ITIH6: variants seen among roughly 807,000 people sequenced by gnomAD.
ITIH6 encodes the protein inter-alpha-trypsin inhibitor heavy chain H6.
A neutral mutation model predicts 58.2 loss-of-function variants in ITIH6; 60 were observed. The observed-to-expected ratio is 1.03, with a 90% CI of 0.84 to 1.28. The LOEUF (loss-of-function observed/expected upper bound fraction) is 1.28. Ranked by LOEUF, ITIH6 falls within the 50% of genes most tolerant of loss-of-function variation. The pLI is 0.00. For missense variants in ITIH6, 1,290 were observed against 1,021.1 expected, an observed-to-expected ratio of 1.26 and a Z score of -3.59; for synonymous variants, 493 against 417.4, an observed-to-expected ratio of 1.18 and a Z score of -2.21.
Position 54,758,830 on chromosome X carries a change from C to G in ITIH6, c.1244G>C (p.Arg415Pro). 8.3e-7 allele frequency: 1 copy of G among 1,211,339 alleles called. No homozygotes were observed. The highest frequency in any genetic ancestry group is 3.0e-5 in the East Asian group (1 of 33,802). ...TTPSVILSNV[R>P]QALGHRVSLF... Reference sequence around the variant, plus strand: ...GGATACCCTGTGGCCTAGCGCCTGACGGACATTGGAGAGGATCACACTGGG... The same window carrying G: ...GGATACCCTGTGGCCTAGCGCCTGAGGGACATTGGAGAGGATCACACTGGG... Residue 415 changes from arginine to proline, a missense_variant, in exon 8 of 13, where the codon CGT (arginine) becomes CCT (proline). Coordinates refer to ENST00000218436, the MANE Select transcript of ITIH6 (RefSeq NM_198510.3).
At chrX:54,789,432 G>A (rs1929304328) in intron 4 of ITIH6, among the ~76,000 whole-genome samples, 1 of 111,963 alleles carries the variant, frequency 8.9e-6, no homozygotes, top group Non-Finnish European at 1.9e-5. Context: ...TCTCTGAGGC[G>A]CCTGCTCACA....
At chrX:54,786,500 T>C (rs1929245589) in intron 5 of ITIH6, among the ~76,000 whole-genome samples, 1 of 111,740 alleles carries the variant, frequency 8.9e-6, no homozygotes, top group Admixed American at 9.5e-5. Context: ...CTTTGGGTTT[T>C]TCATCTCAAA....
At chrX:54,795,285 C>T (rs1473782140) in intron 2 of ITIH6, among the ~76,000 whole-genome samples, 1 of 112,328 alleles carries the variant, frequency 8.9e-6, no homozygotes, top group Non-Finnish European at 1.9e-5. Context: ...AATATTCATA[C>T]TCTATTTTAG....
chrX:54,783,336 T>C (rs1422289415), intron 5 of ITIH6, among the ~76,000 whole-genome samples: 1 of 111,631 alleles, frequency 9.0e-6, no homozygotes, highest in Non-Finnish European at 1.9e-5. Flanking sequence ...AAGGCCTACC[T>C]AGAGCAATCA....
At chrX:54,766,071 G>C (rs1489256949) in intron 6 of ITIH6, among the ~76,000 whole-genome samples, 1 of 110,652 alleles carries the variant, frequency 9.0e-6, no homozygotes, top group Non-Finnish European at 1.9e-5. Flanking sequence ...ATATCCTTGA[G>C]CAGTGGTTTG....
Position 54,757,673 on chromosome X carries a change from C to T in ITIH6, c.2401G>A (p.Ala801Thr). 1.7e-6 allele frequency: 2 copies of T among 1,210,872 alleles called. No individual in the cohort carries two copies. The highest frequency in any genetic ancestry group is 2.2e-6 in the Non-Finnish European group (2 of 895,125). ...HPQLGALTSQ[A>T]PKGLPQSRPG... ...CTTGACTGTGGCAGGCCTTTAGGTG[C>T]CTGTGATGTGAGTGCCCCAAGTTGG... The change falls in exon 8 of 13, where the codon GCA (alanine) becomes ACA (threonine). Residue 801 changes from alanine (A) to threonine (T), a missense_variant. By Grantham distance (58) the Ala-to-Thr change is moderately conservative (BLOSUM62 0). Coordinates refer to ENST00000218436, the MANE Select transcript of ITIH6 (RefSeq NM_198510.3).
intron 6 of ITIH6, among the ~76,000 whole-genome samples, chrX:54,770,282 A>G (rs1250594373): frequency 8.9e-6 from 1 of 111,926 alleles, no homozygotes; most frequent in Non-Finnish European, 1.9e-5. Flanking sequence ...ACTGTCTGGC[A>G]CTCCCTAGTG....
At chrX:54,778,530 C>T (rs1929094393) in intron 5 of ITIH6, among the ~76,000 whole-genome samples, 3 of 111,062 alleles carry the variant, frequency 2.7e-5, no homozygotes, top group Admixed American at 1.9e-4. Context: ...ATTGTTCAAC[C>T]AGAAAAAACA....
intron 9 of ITIH6, 64 bp downstream of exon 9, chrX:54,754,953 A>C: frequency 2.3e-6 from 2 of 853,341 alleles, no homozygotes; most frequent in Non-Finnish European, 3.5e-6. Flanking sequence ...CAATGTCAAT[A>C]AGAATTCTAA....
chrX:54,754,030 A>AGTATGTCC, intron 9 of ITIH6, 65 bp from the exon 10 acceptor site: 2 of 1,096,960 alleles, frequency 1.8e-6, no homozygotes, highest in Non-Finnish European at 2.5e-6. Context: ...GAATTCTGGG[A>AGTATGTCC]CATACTCCCA....
rs1489396395 is a variant in ITIH6 at position 54,760,054 on chromosome X, C to T, written c.904-127G>A. ...GTTTTAAGACTCTCTGACTGCAGGA[C>T]TCTGTGAATCTAGGATTCTCAGGTG... On this transcript the variant is annotated intron_variant, in intron 6 of 12. Transcript: ENST00000218436. The T allele has an allele frequency of 5.7e-6, 3 of 521,783 alleles. No homozygotes were observed. The Admixed American group carries it at 1.1e-4, about 19-fold the overall frequency. The allele number at this position is 521,783 out of a possible 1,213,427, so 43.0% of individuals were successfully genotyped here. A position where few individuals can be genotyped will look rare whatever the true frequency, so the allele number is the denominator to read the frequency against.
intron 5 of ITIH6, among the ~76,000 whole-genome samples, chrX:54,774,398 C>T (rs1006409467): frequency 2.7e-5 from 3 of 112,901 alleles, no homozygotes; most frequent in African/African-American, 6.4e-5. Flanking sequence ...TTCAGACCTT[C>T]ATCCCGGGGC....
chrX:54,783,320 T>C (rs1189640576), intron 5 of ITIH6, among the ~76,000 whole-genome samples: 1 of 111,768 alleles, frequency 8.9e-6, no homozygotes, highest in Non-Finnish European at 1.9e-5. Context: ...TTCCACAAAG[T>C]ACTGGAAGGC....
At chrX:54,773,776 T>C (rs141043405) in intron 6 of ITIH6, among the ~76,000 whole-genome samples, 1,504 of 111,020 alleles carry the variant, frequency 0.014, 33 homozygotes, top group African/African-American at 0.047. Context: ...GTTTTCTTGC[T>C]TTTGGATTCT....
rs1346164038 is a variant in ITIH6, at chrX:54,797,050, T to C, written c.149A>G (p.Tyr50Cys). Residue 50 changes from tyrosine to cysteine, a missense_variant, in exon 2 of 13, where the codon TAT (tyrosine) becomes TGT (cysteine). Coordinates refer to ENST00000218436, the MANE Select transcript of ITIH6 (RefSeq NM_198510.3). ...GACAGAGGTGACCAAGGTGTGGGCATAGCGAGACACCACCGTGGAGCGCAT... is the reference window on the plus strand; with the variant it reads ...GACAGAGGTGACCAAGGTGTGGGCACAGCGAGACACCACCGTGGAGCGCAT... Reference protein sequence around the residue: ...YSMRSTVVSRYAHTLVTSVLF... With the variant: ...YSMRSTVVSRCAHTLVTSVLF... 1 of 1,208,248 alleles carries C rather than the reference T, an allele frequency of 8.3e-7. No homozygotes were observed. Among genetic ancestry groups the C allele is most frequent in the Non-Finnish European group, 1.1e-6 (1 of 893,893 alleles).
chrX:54,794,331 A>T (rs1047173743), intron 2 of ITIH6, among the ~76,000 whole-genome samples: 22 of 110,781 alleles, frequency 2.0e-4, no homozygotes, highest in South Asian at 7.7e-4. Flanking sequence ...AATTTTTTTT[A>T]AAAAAATCTG....
rs771493726 is a variant in ITIH6, at chrX:54,757,268, G to A, written c.2806C>T (p.Pro936Ser). Residue 936 changes from proline (P) to serine (S), a missense_variant, in exon 8 of 13, where the codon CCC becomes TCC. Pro to Ser is a moderately conservative substitution (Grantham distance 74, BLOSUM62 -1). Transcript: ENST00000218436. ...PLPMPFTPTL[P>S]PGRFWHQYDL... is the part of the protein sequence containing the mutation. ...TACTGATGCCAGAACCTTCCAGGGGGCAGAGTGGGAGTAAAGGGCATGGGG... is the reference window on the plus strand; with the variant it reads ...TACTGATGCCAGAACCTTCCAGGGGACAGAGTGGGAGTAAAGGGCATGGGG... The A allele has an allele frequency of 1.7e-6, 2 of 1,192,409 alleles. No homozygotes were observed. Among genetic ancestry groups the A allele is most frequent in the South Asian group, 1.9e-5 (1 of 53,367 alleles).
At chrX:54,792,912 T>C (rs1454813709) in intron 2 of ITIH6, among the ~76,000 whole-genome samples, 2 of 111,488 alleles carry the variant, frequency 1.8e-5, no homozygotes, top group African/African-American at 3.3e-5. Flanking sequence ...TTTCTCTTCC[T>C]AACCTCTAAA....
chrX:54,761,431 CTTTAG>C (rs1163447982), intron 6 of ITIH6, among the ~76,000 whole-genome samples: 2 of 111,083 alleles, frequency 1.8e-5, no homozygotes, highest in African/African-American at 6.6e-5. Flanking sequence ...TGCAGAAGCT[CTTTAG>C]TTTAATTAGA....
Sources: allele counts gnomAD v4.1 joint callset (sites outside exome capture counted in the v4.1 genomes callset), GRCh38; gene constraint gnomAD v4.1.1; transcripts MANE v1.5; gene names NCBI Gene and HGNC (gene_info 2026-07-23, HGNC 2026-07-21).